The following POFUT3 variants were observed in gnomAD, a reference collection of about 807,000 sequenced individuals.
POFUT3 encodes GDP-fucose protein O-fucosyltransferase 3.
chr8:33,395,858 C>A, the POFUT3 span, among the ~76,000 whole-genome samples: 2 of 152,268 alleles, frequency 1.3e-5, no homozygotes, highest in Middle Eastern at 3.4e-3. Flanking sequence ...TGCGTGCTCC[C>A]CTTCCTGCAA....
chr8:33,364,221 GC>G, the POFUT3 span, among the ~76,000 whole-genome samples: 3 of 150,510 alleles, frequency 2.0e-5, no homozygotes, highest in Non-Finnish European at 3.0e-5. Flanking sequence ...AAATTCAACA[GC>G]CCTTCATGCT....
the POFUT3 span, among the ~76,000 whole-genome samples, chr8:33,434,415 T>C: frequency 6.6e-6 from 1 of 152,102 alleles, no homozygotes; most frequent in African/African-American, 2.4e-5. Context: ...CACTCCCATA[T>C]TCCCAAAGTG....
chr8:33,410,611 G>A, the POFUT3 span, among the ~76,000 whole-genome samples: 1 of 152,152 alleles, frequency 6.6e-6, no homozygotes, highest in Non-Finnish European at 1.5e-5. Flanking sequence ...AGACTCATAG[G>A]CCTTTGGGTG....
At chr8:33,455,103 A>C in the POFUT3 span, among the ~76,000 whole-genome samples, 1 of 152,194 alleles carries the variant, frequency 6.6e-6, no homozygotes, top group Non-Finnish European at 1.5e-5. Flanking sequence ...CATGGGTTTT[A>C]TGTTTCTAAT....
the POFUT3 span, among the ~76,000 whole-genome samples, chr8:33,355,451 C>T: frequency 2.0e-5 from 3 of 152,094 alleles, no homozygotes; most frequent in Admixed American, 6.6e-5. Flanking sequence ...TCTGAAAACT[C>T]CCTCACAGAC....
chr8:33,369,824 A>G, the POFUT3 span, among the ~76,000 whole-genome samples: 1 of 152,166 alleles, frequency 6.6e-6, no homozygotes, highest in East Asian at 1.9e-4. Context: ...AACAATGATA[A>G]TGACCCCAAC....
chr8:33,416,059 T>C, the POFUT3 span, among the ~76,000 whole-genome samples: 3 of 152,184 alleles, frequency 2.0e-5, no homozygotes, highest in Non-Finnish European at 2.9e-5. Context: ...AAAATTTATT[T>C]AATCAAAGAA....
the POFUT3 span, among the ~76,000 whole-genome samples, chr8:33,450,824 C>G: frequency 2.6e-5 from 4 of 152,122 alleles, no homozygotes; most frequent in Non-Finnish European, 5.9e-5. Flanking sequence ...AGTGTACTGA[C>G]AAAATTAAGT....
the POFUT3 span, among the ~76,000 whole-genome samples, chr8:33,357,455 A>C: frequency 1.3e-5 from 2 of 151,852 alleles, no homozygotes; most frequent in South Asian, 4.1e-4. Flanking sequence ...TAATTGGTAC[A>C]TTAGAAGACC....
chr8:33,406,012 T>C, the POFUT3 span, among the ~76,000 whole-genome samples: 1 of 152,280 alleles, frequency 6.6e-6, no homozygotes. Context: ...TTTAATTTAA[T>C]TCACCCATTA....
the POFUT3 span, among the ~76,000 whole-genome samples, chr8:33,345,926 A>G: frequency 1.3e-5 from 2 of 150,958 alleles, no homozygotes; most frequent in Non-Finnish European, 3.0e-5. Flanking sequence ...CCTGGGTTCA[A>G]GTGATTCTCC....
the POFUT3 span, among the ~76,000 whole-genome samples, chr8:33,414,717 C>A: frequency 6.6e-6 from 1 of 152,118 alleles, no homozygotes; most frequent in Admixed American, 6.6e-5. Flanking sequence ...TCAAATTTAA[C>A]AATCTAATCT....
chr8:33,453,860 G>A, the POFUT3 span, among the ~76,000 whole-genome samples: 4 of 152,094 alleles, frequency 2.6e-5, no homozygotes, highest in East Asian at 7.7e-4. Context: ...TGAGTCAGGA[G>A]AATCGAATCA....
the POFUT3 span, among the ~76,000 whole-genome samples, chr8:33,373,447 C>T: frequency 6.5e-4 from 99 of 152,274 alleles, 2 homozygotes; most frequent in African/African-American, 2.3e-3. Flanking sequence ...TGGTACCTGA[C>T]ATTGGCATAA....
At chr8:33,452,091 A>ATG in the POFUT3 span, 5 of 96,920 alleles carry the variant, frequency 5.2e-5, no homozygotes, top group Admixed American at 1.9e-4. Flanking sequence ...GTGTATGTAT[A>ATG]TGTATATATA....
chr8:33,378,607 T>TA, the POFUT3 span, among the ~76,000 whole-genome samples: 6 of 152,076 alleles, frequency 3.9e-5, no homozygotes, highest in African/African-American at 1.4e-4. Context: ...AGTTTACTGC[T>TA]AAGGAATGAA....
At chr8:33,309,167 A>AATATAT in the POFUT3 span, among the ~76,000 whole-genome samples, 34 of 53,670 alleles carry the variant, frequency 6.3e-4, no homozygotes, top group African/African-American at 1.4e-3. Context: ...AAAAAAAAAA[A>AATATAT]ATATATATAT....
chr8:33,435,138 A>G, the POFUT3 span, among the ~76,000 whole-genome samples: 2 of 152,152 alleles, frequency 1.3e-5, no homozygotes, highest in African/African-American at 4.8e-5. Flanking sequence ...CCCTGGTGAA[A>G]CTGCCATCTA....
At chr8:33,337,612 AG>A in the POFUT3 span, among the ~76,000 whole-genome samples, 1 of 149,570 alleles carries the variant, frequency 6.7e-6, no homozygotes, top group Non-Finnish European at 1.5e-5. Flanking sequence ...GAAATGAAAG[AG>A]GGGACATTAC....
Sources: allele counts gnomAD v4.1 joint callset (sites outside exome capture counted in the v4.1 genomes callset), GRCh38; gene constraint gnomAD v4.1.1; transcripts MANE v1.5; gene names NCBI Gene and HGNC (gene_info 2026-07-23, HGNC 2026-07-21).